Variants in AK9 observed in about 807,000 individuals in gnomAD.
AK9 encodes the protein adenylate kinase domain containing 1.
AK9 carries 191 observed loss-of-function variants against 239.6 expected under a neutral mutation model. The observed-to-expected ratio is 0.80, with a 90% CI of 0.71 to 0.90. AK9 has a LOEUF of 0.90. Among genes scored for constraint, AK9 ranks in the 40% least tolerant of loss-of-function variants. The pLI is 0.00. For synonymous variants in AK9, 689 were observed against 721.0 expected, an observed-to-expected ratio of 0.96 and a Z score of 0.71; for missense variants, 1,995 against 2,214.7, an observed-to-expected ratio of 0.90 and a Z score of 1.99.
intron 24 of AK9, among the ~76,000 whole-genome samples, chr6:109,554,768 G>A (rs1432783237): frequency 1.3e-5 from 2 of 152,034 alleles, no homozygotes; most frequent in Non-Finnish European, 2.9e-5. Flanking sequence ...CTGACCTCAG[G>A]TGATCTGCCC....
At chr6:109,653,556 A>AT (rs1297823523) in intron 8 of AK9, among the ~76,000 whole-genome samples, 2 of 151,986 alleles carry the variant, frequency 1.3e-5, no homozygotes, top group Non-Finnish European at 2.9e-5. Flanking sequence ...GATTGCAAAC[A>AT]TTTTTCCTTT....
chr6:109,588,629 C>T (rs1267814202), intron 17 of AK9, among the ~76,000 whole-genome samples: 8 of 152,036 alleles, frequency 5.3e-5, no homozygotes, highest in Non-Finnish European at 1.0e-4. Context: ...TGCTGCATTT[C>T]CTTTTGACAA....
At chr6:109,674,448 T>C (rs829814) in intron 2 of AK9, among the ~76,000 whole-genome samples, 187 bp from the exon 3 acceptor site, 67,636 of 151,974 alleles carry the variant, frequency 0.45, 16,612 homozygotes, top group African/African-American at 0.67. Flanking sequence ...TTTGCATATG[T>C]CACATCTCCT....
intron 21 of AK9, among the ~76,000 whole-genome samples, chr6:109,570,934 C>T (rs748451235): frequency 4.0e-5 from 6 of 151,816 alleles, no homozygotes; most frequent in African/African-American, 7.3e-5. Context: ...AGGAAAAGAA[C>T]GAAAAGAACA....
chr6:109,516,913 T>C (rs1434177925), intron 29 of AK9, among the ~76,000 whole-genome samples: 1 of 152,218 alleles, frequency 6.6e-6, no homozygotes, highest in African/African-American at 2.4e-5. Context: ...ATTTTGGATT[T>C]GACTGGTTTT....
intron 17 of AK9, among the ~76,000 whole-genome samples, chr6:109,600,930 T>C (rs1791860997): frequency 6.6e-6 from 1 of 152,210 alleles, no homozygotes; most frequent in African/African-American, 2.4e-5. Context: ...TGATATCCCC[T>C]TTATCATTTT....
intron 1 of AK9, among the ~76,000 whole-genome samples, chr6:109,679,943 C>A (rs577101133): frequency 1.3e-5 from 2 of 152,090 alleles, no homozygotes; most frequent in Non-Finnish European, 2.9e-5. Flanking sequence ...AAACCCCATC[C>A]GAAGGTCACC....
At chr6:109,618,441 C>CA (rs1469232941) in intron 13 of AK9, among the ~76,000 whole-genome samples, 31 of 133,186 alleles carry the variant, frequency 2.3e-4, no homozygotes, top group Non-Finnish European at 4.0e-4. Context: ...AAAAAAAAAA[C>CA]AAAACGCTTT....
chr6:109,557,724 C>A (rs766279980), intron 24 of AK9, among the ~76,000 whole-genome samples: 7 of 152,180 alleles, frequency 4.6e-5, no homozygotes, highest in Non-Finnish European at 8.8e-5. Flanking sequence ...TTTGAATGGG[C>A]ATGTGCTCTC....
chr6:109,571,841 C>A (rs1787447337), intron 21 of AK9, among the ~76,000 whole-genome samples: 1 of 151,978 alleles, frequency 6.6e-6, no homozygotes, highest in African/African-American at 2.4e-5. Flanking sequence ...GTGCTTTTTC[C>A]ATGATATAAG....
chr6:109,497,875 A>C lies in AK9; in HGVS notation c.5137T>G (p.Ser1713Ala). The change falls in exon 37 of 41, where the codon TCA becomes GCA. Residue 1713 changes from serine (S) to alanine (A), a missense_variant. Coordinates refer to ENST00000424296, the MANE Select transcript of AK9 (RefSeq NM_001145128.3). Reference sequence around the variant, plus strand: ...TTAGGGAATCGACTCTTCAGCTCTGACAGTGTCAGTCTTTTGGGGATCATG... The same window carrying C: ...TTAGGGAATCGACTCTTCAGCTCTGCCAGTGTCAGTCTTTTGGGGATCATG... ...ADMIPKRLTL[S>A]ELKSRFPKCA... is the part of the protein sequence containing the mutation. 1 of 1,613,992 alleles carries C rather than the reference A, an allele frequency of 6.2e-7. No individual in the cohort carries two copies. Among genetic ancestry groups the C allele is most frequent in the Non-Finnish European group, 8.5e-7 (1 of 1,179,928 alleles).
intron 3 of AK9, 142 bp from the exon 4 acceptor site, chr6:109,672,309 T>A: frequency 1.3e-6 from 1 of 756,152 alleles, no homozygotes; most frequent in Non-Finnish European, 2.2e-6. Flanking sequence ...GTATGCATAT[T>A]ACTTCACTTA....
intron 12 of AK9, chr6:109,632,097 G>A: frequency 1.1e-6 from 1 of 933,338 alleles, no homozygotes; most frequent in Non-Finnish European, 1.3e-6. Context: ...ATTTGACCTG[G>A]TTGGTGGTTA....
chr6:109,664,918 T>C (rs4947009), intron 5 of AK9, among the ~76,000 whole-genome samples: 88,064 of 150,878 alleles, frequency 0.58, 27,317 homozygotes, highest in East Asian at 0.84. Context: ...CGGGTGCCTG[T>C]AATCCCAGCT....
At chr6:109,645,458 A>G (rs1411305807) in intron 8 of AK9, among the ~76,000 whole-genome samples, 1 of 152,230 alleles carries the variant, frequency 6.6e-6, no homozygotes, top group Non-Finnish European at 1.5e-5. Context: ...GCTCACTGCT[A>G]GCACAGCAGT....
At position 109,664,346 on chromosome 6, in the gene AK9, G is replaced by A. The variant is rs146926890; in HGVS notation, c.332-1683C>T. Among the ~76,000 whole-genome samples, 1,123 of 152,226 alleles carry A rather than the reference G, an allele frequency of 7.4e-3. 8 individuals are homozygous for A. Among genetic ancestry groups the A allele is most frequent in the Admixed American group, 0.011 (163 of 15,284 alleles). On this transcript the variant is annotated intron_variant, in intron 5 of 40. Coordinates refer to ENST00000424296, the MANE Select transcript of AK9 (RefSeq NM_001145128.3). ...AGTTACCAAGCACCTGTTGATAGACGAGTGAATGAATGTGTGTAAAACAAA... is the reference window on the plus strand; with the variant it reads ...AGTTACCAAGCACCTGTTGATAGACAAGTGAATGAATGTGTGTAAAACAAA...
chr6:109,507,842 C>A (rs1375598592), intron 33 of AK9, among the ~76,000 whole-genome samples: 1 of 152,196 alleles, frequency 6.6e-6, no homozygotes, highest in African/African-American at 2.4e-5. Context: ...GTGCCTGTAA[C>A]AATAACTGAG....
chr6:109,497,937 A>G lies in AK9; in HGVS notation c.5075T>C (p.Val1692Ala), dbSNP rs1368006911. The G allele has an allele frequency of 1.3e-5, 21 of 1,614,034 alleles. No homozygotes were observed. The highest frequency in any genetic ancestry group is 1.7e-5 in the Non-Finnish European group (20 of 1,180,008). Reference sequence around the variant, plus strand: ...GAGTGGATGAGGTGCTAAGGGAGGCACGTACAATTCTGGGTTCTCCAAGAA... The same window carrying G: ...GAGTGGATGAGGTGCTAAGGGAGGCGCGTACAATTCTGGGTTCTCCAAGAA... ...NKFLENPELY[V>A]PPLAPHPLPS... is the part of the protein sequence containing the mutation. The change falls in exon 37 of 41, where the codon GTG (valine) becomes GCG (alanine). Residue 1692 changes from valine (V) to alanine (A), a missense_variant. By Grantham distance (64) the Val-to-Ala change is moderately conservative (BLOSUM62 0). This residue lies in a region of AK9 where 391 missense variants were observed against 456.0 expected (regional missense o/e 0.86). Coordinates refer to ENST00000424296, the MANE Select transcript of AK9 (RefSeq NM_001145128.3).
chr6:109,596,429 T>C (rs533491267), intron 17 of AK9, among the ~76,000 whole-genome samples: 1 of 152,236 alleles, frequency 6.6e-6, no homozygotes, highest in East Asian at 1.9e-4. Context: ...CAGCCCAAAC[T>C]CCTCATCCTC....
Sources: allele counts gnomAD v4.1 joint callset (sites outside exome capture counted in the v4.1 genomes callset), GRCh38; gene constraint gnomAD v4.1.1; regional missense constraint gnomAD v4.1.1; transcripts MANE v1.5; gene names NCBI Gene and HGNC (gene_info 2026-07-23, HGNC 2026-07-21).